Variants in ASAP1 observed in about 807,000 individuals in gnomAD.
ASAP1 encodes the protein ArfGAP with SH3 domain, ankyrin repeat and PH domain 1.
Under a neutral mutation model 145.2 loss-of-function variants are expected in ASAP1, and 43 were observed. The ratio of observed to expected loss-of-function variants is 0.30; its 90% CI spans 0.23 to 0.38. The LOEUF (loss-of-function observed/expected upper bound fraction) is 0.38. ASAP1 is among the 10% of genes least tolerant of loss of function. The pLI, the probability that ASAP1 is intolerant of heterozygous loss-of-function variation, is 1.00. For synonymous variants in ASAP1, 546 were observed against 515.5 expected (o/e 1.06, Z -0.80); for missense variants, 1,018 against 1,355.3 (o/e 0.75, Z 3.91).
intron 3 of ASAP1, among the ~76,000 whole-genome samples, chr8:130,309,861 C>A (rs1366635630): frequency 6.6e-6 from 1 of 152,148 alleles, no homozygotes; most frequent in Non-Finnish European, 1.5e-5. Flanking sequence ...ACTGACCAAG[C>A]AAATTTCCTA....
intron 3 of ASAP1, among the ~76,000 whole-genome samples, chr8:130,318,913 C>A (rs1458682597): frequency 6.6e-6 from 1 of 152,124 alleles, no homozygotes; most frequent in African/African-American, 2.4e-5. Flanking sequence ...CAACACTGCC[C>A]TACTACAGGA....
chr8:130,114,413 A>T (rs922415031), intron 23 of ASAP1, among the ~76,000 whole-genome samples: 5 of 152,242 alleles, frequency 3.3e-5, no homozygotes, highest in African/African-American at 1.2e-4. Flanking sequence ...GTTATATAAG[A>T]TTAAAAAATG....
chr8:130,360,224 A>G (rs562887011), intron 2 of ASAP1, among the ~76,000 whole-genome samples: 1 of 152,366 alleles, frequency 6.6e-6, no homozygotes, highest in South Asian at 2.1e-4. Context: ...TCGCTATAGT[A>G]TAAAGAATCT....
intron 1 of ASAP1, among the ~76,000 whole-genome samples, chr8:130,433,600 T>A (rs1407673615): frequency 1.3e-5 from 2 of 152,264 alleles, no homozygotes; most frequent in East Asian, 3.8e-4. Flanking sequence ...TGATTTTTCA[T>A]CTTCATATCC....
intron 1 of ASAP1, among the ~76,000 whole-genome samples, chr8:130,412,824 T>A (rs574153738): frequency 1.3e-5 from 2 of 152,114 alleles, no homozygotes; most frequent in South Asian, 4.2e-4. Flanking sequence ...GCTAATTTTT[T>A]AATAGAGATG....
At chr8:130,263,649 G>T (rs1820075640) in intron 3 of ASAP1, among the ~76,000 whole-genome samples, 1 of 152,170 alleles carries the variant, frequency 6.6e-6, no homozygotes, top group Admixed American at 6.5e-5. Context: ...AAAACCCTAT[G>T]AAGTGAGTAT....
chr8:130,127,362 G>T (rs953779332), intron 16 of ASAP1, among the ~76,000 whole-genome samples: 5 of 152,056 alleles, frequency 3.3e-5, no homozygotes, highest in African/African-American at 1.2e-4. Flanking sequence ...GATTACAGGT[G>T]CCCGCCACCT....
At chr8:130,346,575 A>G (rs1477374216) in intron 3 of ASAP1, among the ~76,000 whole-genome samples, 1 of 152,246 alleles carries the variant, frequency 6.6e-6, no homozygotes, top group Non-Finnish European at 1.5e-5. Context: ...TGGGAGGATT[A>G]TATGAGACGA....
chr8:130,419,796 C>T (rs914134879), intron 1 of ASAP1, among the ~76,000 whole-genome samples: 7 of 152,102 alleles, frequency 4.6e-5, no homozygotes, highest in African/African-American at 7.2e-5. Flanking sequence ...GGCCTCAATC[C>T]AAGTTTCAGC....
In ASAP1 at chr8:130,252,991, C is replaced by G. The variant is rs139204644; in HGVS notation, c.187-15997G>C. 2.8e-4 allele frequency among the ~76,000 whole-genome samples: 42 copies of G among 152,192 alleles called. 1 individual carries two copies. In the East Asian group the frequency reaches 7.9e-3, roughly 29 times the overall value. On this transcript the variant is annotated intron_variant, in intron 3 of 29. Coordinates refer to ENST00000518721, the MANE Select transcript of ASAP1 (RefSeq NM_018482.4). Reference sequence around the variant, plus strand: ...ACCACCAAGCCTTTTAGCTTCCCACCAGTTCTAAGATCCTATAATGTCCTA... The same window carrying G: ...ACCACCAAGCCTTTTAGCTTCCCACGAGTTCTAAGATCCTATAATGTCCTA...
Position 130,333,022 on chromosome 8 carries a change from C to A in ASAP1, c.186+24995G>T, listed in dbSNP as rs147154115. On this transcript the variant is annotated intron_variant, in intron 3 of 29. Coordinates refer to ENST00000518721, the MANE Select transcript of ASAP1 (RefSeq NM_018482.4). The stretch of plus-strand genomic sequence containing the variant: ...AGCAACATTCACAGTGATTCAAGCA[C>A]AAAGCGGTTCAATCTTTCATATGGA... Among the ~76,000 whole-genome samples, 107 of 152,112 alleles carry A rather than the reference C, an allele frequency of 7.0e-4. 1 individual carries two copies. In the East Asian group the frequency reaches 0.015, roughly 21 times the overall value.
At chr8:130,156,615 T>TA (rs1266578896) in intron 12 of ASAP1, among the ~76,000 whole-genome samples, 3 of 152,322 alleles carry the variant, frequency 2.0e-5, no homozygotes, top group Admixed American at 2.0e-4. Context: ...TGCATATCCT[T>TA]AGAGTGATAA....
chr8:130,191,331 C>A (rs1286852305), intron 5 of ASAP1, among the ~76,000 whole-genome samples: 1 of 152,142 alleles, frequency 6.6e-6, no homozygotes, highest in Non-Finnish European at 1.5e-5. Context: ...ACTGCAGAGA[C>A]CTGCAGGAGC....
At chr8:130,188,252 C>T in intron 5 of ASAP1, 69 bp from the exon 6 acceptor site, 2 of 1,232,202 alleles carry the variant, frequency 1.6e-6, no homozygotes, top group Non-Finnish European at 2.4e-6. Flanking sequence ...AAACCAGCTA[C>T]TATTGACTGA....
intron 15 of ASAP1, among the ~76,000 whole-genome samples, chr8:130,131,106 G>A (rs1041446522): frequency 2.6e-5 from 4 of 151,818 alleles, no homozygotes; most frequent in African/African-American, 4.8e-5. Flanking sequence ...GCAGTGAGCC[G>A]AGATCGCGCC....
At chr8:130,080,868 G>A (rs369889005) in intron 25 of ASAP1, among the ~76,000 whole-genome samples, 4 of 152,192 alleles carry the variant, frequency 2.6e-5, no homozygotes, top group Admixed American at 1.3e-4. Flanking sequence ...CCTGGCCTCC[G>A]GTGATCCACC....
chr8:130,429,056 T>A (rs1307793657), intron 1 of ASAP1, among the ~76,000 whole-genome samples: 1 of 152,224 alleles, frequency 6.6e-6, no homozygotes, highest in Non-Finnish European at 1.5e-5. Context: ...ATCACTGCAG[T>A]CACAGGGGTG....
intron 3 of ASAP1, among the ~76,000 whole-genome samples, chr8:130,335,330 T>C (rs1248018413): frequency 6.6e-6 from 1 of 152,068 alleles, no homozygotes. Flanking sequence ...TTCAATAAGG[T>C]CACTTTATGA....
At chr8:130,125,157 C>G (rs2097572990) in intron 17 of ASAP1, among the ~76,000 whole-genome samples, 1 of 152,110 alleles carries the variant, frequency 6.6e-6, no homozygotes, top group African/African-American at 2.4e-5. Context: ...AGCCTCCTGT[C>G]TGAGAAGTCA....
Sources: allele counts gnomAD v4.1 joint callset (sites outside exome capture counted in the v4.1 genomes callset), GRCh38; gene constraint gnomAD v4.1.1; transcripts MANE v1.5; gene names NCBI Gene and HGNC (gene_info 2026-07-23, HGNC 2026-07-21).